The following PSD3 variants were observed in gnomAD, a reference collection of about 807,000 sequenced individuals.
PSD3 encodes the protein PH and SEC7 domain-containing protein 3.
PSD3 carries 49 observed loss-of-function variants against 105.5 expected under a neutral mutation model. That is an observed-to-expected ratio of 0.46 (90% confidence interval 0.37 to 0.59). PSD3 has a LOEUF of 0.59. Ranked by LOEUF, PSD3 falls within the 20% of genes least tolerant of loss-of-function variation. PSD3 has a pLI of 0.00. For synonymous variants in PSD3, 557 were observed against 457.8 expected (o/e 1.22, Z -2.77); for missense variants, 1,561 against 1,263.8 (o/e 1.24, Z -3.57).
intron 14 of PSD3, among the ~76,000 whole-genome samples, chr8:18,560,590 G>A (rs923748865): frequency 1.3e-5 from 2 of 151,818 alleles, no homozygotes; most frequent in African/African-American, 2.4e-5. Flanking sequence ...TACAAGAAAA[G>A]TTGTTGTGGT....
chr8:18,898,612 T>A (rs1039125301), intron 2 of PSD3, among the ~76,000 whole-genome samples: 2 of 152,202 alleles, frequency 1.3e-5, no homozygotes. Flanking sequence ...TGACTAGAAG[T>A]CTTACTGATA....
At chr8:18,696,479 C>T (rs1301875218) in intron 9 of PSD3, among the ~76,000 whole-genome samples, 1 of 152,218 alleles carries the variant, frequency 6.6e-6, no homozygotes, top group African/African-American at 2.4e-5. Flanking sequence ...TTCAATTACT[C>T]TGTGTGGCCT....
intron 1 of PSD3, among the ~76,000 whole-genome samples, chr8:19,061,826 C>A (rs1028299050): frequency 4.0e-5 from 6 of 151,830 alleles, no homozygotes; most frequent in Non-Finnish European, 8.8e-5. Context: ...AAAATCACTT[C>A]CCAGACTTTA....
chr8:18,931,343 T>C (rs1200973271), intron 2 of PSD3, among the ~76,000 whole-genome samples: 1 of 151,470 alleles, frequency 6.6e-6, no homozygotes, highest in Non-Finnish European at 1.5e-5. Context: ...AAAAAACAGG[T>C]AATTTTTAAA....
chr8:18,687,686 C>T (rs776368402), intron 9 of PSD3, among the ~76,000 whole-genome samples: 1 of 151,942 alleles, frequency 6.6e-6, no homozygotes, highest in Non-Finnish European at 1.5e-5. Context: ...TGTCCACGTG[C>T]GTGTGTGTGT....
chr8:18,979,186 C>T (rs1002433187), intron 1 of PSD3, among the ~76,000 whole-genome samples: 6 of 151,934 alleles, frequency 3.9e-5, no homozygotes, highest in Non-Finnish European at 5.9e-5. Flanking sequence ...GCGGCCAGCA[C>T]ATAGCCATCT....
intron 12 of PSD3, among the ~76,000 whole-genome samples, chr8:18,586,923 C>A (rs1273577524): frequency 6.6e-6 from 1 of 151,912 alleles, no homozygotes. Flanking sequence ...GCTAGTGAGG[C>A]CCTTAAGGAT....
In PSD3 at chr8:18,632,791, T is replaced by G. The variant is rs779844640; in HGVS notation, c.2232A>C (p.Lys744Asn). ...KLEWAVDDEEKKKSPSESTEE... is the reference protein window; with the variant it reads ...KLEWAVDDEENKKSPSESTEE... Reference sequence around the variant, plus strand: ...CAGTACTTTCTGAGGGAGACTTTTTTTTCTCTTCATCATCTCTAAAAGGGA... The same window carrying G: ...CAGTACTTTCTGAGGGAGACTTTTTGTTCTCTTCATCATCTCTAAAAGGGA... Residue 744 changes from lysine (K) to asparagine (N), a missense_variant, in exon 11 of 16, where the codon AAA (lysine) becomes AAC (asparagine). Coordinates refer to ENST00000327040, the MANE Select transcript of PSD3 (RefSeq NM_015310.4). 5 of 1,575,192 alleles carry G rather than the reference T, an allele frequency of 3.2e-6. No homozygotes were observed. The highest frequency in any genetic ancestry group is 1.7e-5 in the Admixed American group (1 of 58,264).
At chr8:18,597,098 C>T (rs1467571720) in intron 12 of PSD3, among the ~76,000 whole-genome samples, 1 of 59,050 alleles carries the variant, frequency 1.7e-5, no homozygotes, top group African/African-American at 4.4e-5. Context: ...TTCAACAGTA[C>T]ATTAAAAGGA....
intron 9 of PSD3, among the ~76,000 whole-genome samples, chr8:18,755,446 A>ACAT (rs1373843557): frequency 2.6e-5 from 4 of 151,460 alleles, no homozygotes; most frequent in African/African-American, 9.7e-5. Flanking sequence ...ACATAACATA[A>ACAT]CATAACATAA....
chr8:19,071,600 G>T (rs1829265560), intron 1 of PSD3, among the ~76,000 whole-genome samples: 1 of 152,222 alleles, frequency 6.6e-6, no homozygotes, highest in South Asian at 2.1e-4. Context: ...GATGAACCCG[G>T]GGAGCTGCCC....
intron 15 of PSD3, among the ~76,000 whole-genome samples, chr8:18,540,697 C>T (rs961556911): frequency 6.6e-6 from 1 of 152,126 alleles, no homozygotes; most frequent in African/African-American, 2.4e-5. Context: ...CCCTCCTTGC[C>T]CTCCACGTGC....
At position 18,843,327 on chromosome 8, in the gene PSD3, C is replaced by T. The variant is rs910328528; in HGVS notation, c.1634+24347G>A. Among the ~76,000 whole-genome samples the T allele has an allele frequency of 7.0e-4, 89 of 127,898 alleles. 4 individuals carry two copies. Among genetic ancestry groups the T allele is most frequent in the South Asian group, 1.9e-3 (8 of 4,152 alleles). The allele number at this position is 127,898 out of a possible 152,430, so 83.9% of individuals were successfully genotyped here. A position where few individuals can be genotyped will look rare whatever the true frequency, so the allele number is the denominator to read the frequency against. On this transcript the variant is annotated intron_variant, in intron 4 of 15. Transcript: ENST00000327040. Reference sequence around the variant, plus strand: ...AGTGAGCCGAGATCGCACGAGACTCCGTCTCAAAAAAAAAAAAAAAGAGTT... The same window carrying T: ...AGTGAGCCGAGATCGCACGAGACTCTGTCTCAAAAAAAAAAAAAAAGAGTT...
chr8:18,942,422 G>A (rs771870432), intron 1 of PSD3, among the ~76,000 whole-genome samples: 2 of 152,162 alleles, frequency 1.3e-5, no homozygotes, highest in African/African-American at 4.8e-5. Context: ...TGCAGACAGG[G>A]ACAAGAAGCT....
chr8:18,980,672 C>A (rs1825205248), intron 1 of PSD3, among the ~76,000 whole-genome samples: 2 of 152,158 alleles, frequency 1.3e-5, no homozygotes, highest in South Asian at 2.1e-4. Context: ...TCCCTCCACA[C>A]ACGCTCAAGT....
intron 4 of PSD3, among the ~76,000 whole-genome samples, chr8:18,806,542 CACTT>C (rs1210183821): frequency 1.3e-5 from 2 of 152,198 alleles, no homozygotes; most frequent in Admixed American, 1.3e-4. Flanking sequence ...CCTTCGAACA[CACTT>C]ACCACAGATG....
At chr8:18,602,412 CACTT>C (rs1396441860) in intron 11 of PSD3, among the ~76,000 whole-genome samples, 1 of 152,052 alleles carries the variant, frequency 6.6e-6, no homozygotes, top group East Asian at 1.9e-4. Flanking sequence ...TTATTGTACT[CACTT>C]ACTGCAGTCT....
intron 4 of PSD3, among the ~76,000 whole-genome samples, chr8:18,838,802 A>AAAT (rs55792203): frequency 0.15 from 19,362 of 131,696 alleles, 1,390 homozygotes; most frequent in Non-Finnish European, 0.16. Flanking sequence ...ACTCCGTCTC[A>AAAT]AATAATAATA....
At chr8:18,554,982 G>A (rs1489655520) in intron 15 of PSD3, among the ~76,000 whole-genome samples, 1 of 152,132 alleles carries the variant, frequency 6.6e-6, no homozygotes, top group Non-Finnish European at 1.5e-5. Context: ...GGAGGCCAGT[G>A]TGGGAAAGAC....
Sources: allele counts gnomAD v4.1 joint callset (sites outside exome capture counted in the v4.1 genomes callset), GRCh38; gene constraint gnomAD v4.1.1; transcripts MANE v1.5; gene names NCBI Gene and HGNC (gene_info 2026-07-23, HGNC 2026-07-21).